The following EXOC4 variants were observed in gnomAD, a reference collection of about 807,000 sequenced individuals.
EXOC4 encodes SEC8-like 1.
Under a neutral mutation model 107.2 loss-of-function variants are expected in EXOC4, and 71 were observed. The ratio of observed to expected loss-of-function variants is 0.66; its 90% CI spans 0.55 to 0.81. The LOEUF is 0.81. Among genes scored for constraint, EXOC4 ranks in the 30% least tolerant of loss-of-function variants. The probability of loss-of-function intolerance (pLI) is 0.00; values close to 1 mark genes in which losing one functional copy is unlikely to be tolerated. For missense variants in EXOC4, 1,108 were observed against 1,189.6 expected, an observed-to-expected ratio of 0.93 and a Z score of 1.01; for synonymous variants, 456 against 441.2, an observed-to-expected ratio of 1.03 and a Z score of -0.42.
At chr7:133,413,145 A>ATCTC (rs1410277455) in intron 7 of EXOC4, among the ~76,000 whole-genome samples, 1 of 152,030 alleles carries the variant, frequency 6.6e-6, no homozygotes, top group East Asian at 1.9e-4. Flanking sequence ...CAAAGCGGAG[A>ATCTC]GCTCCATCTA....
chr7:133,847,388 T>A (rs1798148910), intron 11 of EXOC4, among the ~76,000 whole-genome samples: 2 of 4,442 alleles, frequency 4.5e-4, no homozygotes, highest in Non-Finnish European at 7.8e-4. Context: ...TTTAATTTTT[T>A]TTTTTTTTGG....
intron 14 of EXOC4, among the ~76,000 whole-genome samples, chr7:133,956,178 T>C (rs1452351693): frequency 1.5e-5 from 2 of 136,674 alleles, no homozygotes; most frequent in Non-Finnish European, 3.3e-5. Flanking sequence ...TTGCTTTTTA[T>C]GTTCTTTTTT....
At chr7:133,538,520 A>G (rs1024513809) in intron 9 of EXOC4, among the ~76,000 whole-genome samples, 3 of 152,176 alleles carry the variant, frequency 2.0e-5, no homozygotes, top group Non-Finnish European at 4.4e-5. Context: ...TACATGTATG[A>G]AAAAGGATTT....
the EXOC4 span, among the ~76,000 whole-genome samples, chr7:134,076,496 G>A: frequency 6.6e-6 from 1 of 151,676 alleles, no homozygotes; most frequent in African/African-American, 2.4e-5. Context: ...CCAGCCTGGG[G>A]AACAGAGCGA....
chr7:133,501,174 AAAGTTTGT>A lies in EXOC4; in HGVS notation c.1417+21042_1417+21049del. 2.6e-5 allele frequency among the ~76,000 whole-genome samples: 4 copies of A among 152,306 alleles called. No homozygotes were observed. In the Middle Eastern group the frequency reaches 0.014, roughly 518 times the overall value. Reference sequence around the variant, plus strand: ...ATATCTATATTTCCAGCATCTTCTGAAAGTTTGTAAGTTCTGAATAAATCCTGCTTTGA... The same window carrying A: ...ATATCTATATTTCCAGCATCTTCTGAAAGTTCTGAATAAATCCTGCTTTGA... On this transcript the variant is annotated intron_variant, in intron 9 of 17. Transcript: ENST00000253861.
chr7:134,016,260 A>G (rs1200872497), intron 17 of EXOC4, among the ~76,000 whole-genome samples: 2 of 152,194 alleles, frequency 1.3e-5, no homozygotes, highest in Admixed American at 1.3e-4. Context: ...ACAAACAGAT[A>G]TGGGGAATCA....
At chr7:134,009,478 T>C (rs1482183961) in intron 17 of EXOC4, among the ~76,000 whole-genome samples, 1 of 152,210 alleles carries the variant, frequency 6.6e-6, no homozygotes, top group African/African-American at 2.4e-5. Context: ...TGTCTCTTTC[T>C]TTCTATTTGT....
At chr7:133,750,422 CCATTGG>C (rs1585120781) in intron 10 of EXOC4, among the ~76,000 whole-genome samples, 2 of 152,026 alleles carry the variant, frequency 1.3e-5, no homozygotes, top group African/African-American at 4.8e-5. Context: ...ATTCAGAGCA[CCATTGG>C]TAGCTCACTT....
chr7:133,317,213 G>C, intron 4 of EXOC4, 71 bp from the exon 5 acceptor site: 1 of 1,011,200 alleles, frequency 9.9e-7, no homozygotes, highest in Middle Eastern at 2.1e-4. Context: ...AGTGGTAAGG[G>C]TGGGGCTGTA....
At chr7:133,274,244 C>T (rs1793938990) in intron 1 of EXOC4, among the ~76,000 whole-genome samples, 1 of 152,180 alleles carries the variant, frequency 6.6e-6, no homozygotes, top group African/African-American at 2.4e-5. Context: ...ACCTTATTTC[C>T]AGACTGCTGG....
intron 11 of EXOC4, among the ~76,000 whole-genome samples, chr7:133,836,857 G>C (rs1348073288): frequency 1.3e-5 from 2 of 152,066 alleles, no homozygotes; most frequent in Non-Finnish European, 2.9e-5. Context: ...GTTTCATTTA[G>C]ATAATTATAT....
At chr7:134,033,921 T>A (rs1299517550) in intron 17 of EXOC4, among the ~76,000 whole-genome samples, 1 of 152,228 alleles carries the variant, frequency 6.6e-6, no homozygotes, top group Admixed American at 6.5e-5. Flanking sequence ...CCAAACAGTG[T>A]ATCGGCCAAT....
At chr7:133,310,863 TTGCTTTGA>T in intron 4 of EXOC4, among the ~76,000 whole-genome samples, 1 of 152,322 alleles carries the variant, frequency 6.6e-6, no homozygotes, top group Non-Finnish European at 1.5e-5. Context: ...GGCCTTCTTT[TTGCTTTGA>T]TGCAGTCAGT....
rs536745280 is a variant in EXOC4 at position 133,378,743 on chromosome 7, C to T, written c.1182+3741C>T. Among the ~76,000 whole-genome samples, 11 of 151,680 alleles carry T rather than the reference C, an allele frequency of 7.3e-5. 1 individual carries two copies. In the South Asian group the frequency reaches 1.7e-3, roughly 23 times the overall value. ...AGCCAGTTGAGGGGATAAAATTGAA[C>T]AGTGAATAAATATTTGATTAATCCA... is the stretch of plus-strand genomic sequence containing the variant. On this transcript the variant is annotated intron_variant, in intron 7 of 17. Coordinates refer to ENST00000253861, the MANE Select transcript of EXOC4 (RefSeq NM_021807.4).
chr7:134,090,059 G>A, the EXOC4 span, among the ~76,000 whole-genome samples: 1 of 152,130 alleles, frequency 6.6e-6, no homozygotes, highest in Non-Finnish European at 1.5e-5. Context: ...GATTACTAAA[G>A]TCACATAATG....
At chr7:133,470,656 G>T (rs7800543) in intron 7 of EXOC4, among the ~76,000 whole-genome samples, 1 of 152,092 alleles carries the variant, frequency 6.6e-6, no homozygotes, top group East Asian at 1.9e-4. Flanking sequence ...CATCAATTTT[G>T]ACTATTATTT....
At chr7:133,628,327 G>T (rs1166488381) in intron 9 of EXOC4, among the ~76,000 whole-genome samples, 1 of 152,184 alleles carries the variant, frequency 6.6e-6, no homozygotes, top group Non-Finnish European at 1.5e-5. Flanking sequence ...ATTTAGAAAA[G>T]ATGTTGGCCC....
chr7:133,511,134 G>T (rs917140187), intron 9 of EXOC4, among the ~76,000 whole-genome samples: 69 of 152,100 alleles, frequency 4.5e-4, no homozygotes, highest in African/African-American at 1.5e-3. Context: ...TTAGGTGTGT[G>T]CCTGAGGTCT....
chr7:133,542,318 C>T (rs1226458434), intron 9 of EXOC4, among the ~76,000 whole-genome samples: 1 of 152,036 alleles, frequency 6.6e-6, no homozygotes, highest in Non-Finnish European at 1.5e-5. Flanking sequence ...TCCTAATTCT[C>T]ATAGAAGGAG....
Sources: gnomAD v4.1 joint callset for allele counts (sites outside exome capture counted in the v4.1 genomes callset) on GRCh38, gnomAD v4.1.1 for gene constraint, MANE v1.5 for transcripts, NCBI Gene and HGNC (gene_info 2026-07-23, HGNC 2026-07-21) for gene names.